RWDD1: variants seen among roughly 807,000 people sequenced by gnomAD.
RWDD1 encodes RWD domain containing 1, also known as RWD domain-containing protein 1.
In RWDD1, 17 loss-of-function variants were observed where a neutral mutation model predicts 31.6. That is an observed-to-expected ratio of 0.54 (90% CI 0.37 to 0.81). RWDD1 has a LOEUF of 0.81. Among genes scored for constraint, RWDD1 ranks in the 30% least tolerant of loss-of-function variants. The pLI, the probability that RWDD1 is intolerant of heterozygous loss-of-function variation, is 0.00. For synonymous variants in RWDD1, 78 were observed against 94.2 expected (o/e 0.83, Z 0.99); for missense variants, 204 against 274.5 (o/e 0.74, Z 1.82).
chr6:116,574,135 C>T (rs747346584), intron 1 of RWDD1: 16 of 212,956 alleles, frequency 7.5e-5, no homozygotes, highest in Non-Finnish European at 1.3e-4. Context: ...ACCACATTCT[C>T]CTTCAGTAGT....
At chr6:116,575,538 A>G (rs1367498270) in intron 1 of RWDD1, among the ~76,000 whole-genome samples, 7 of 152,284 alleles carry the variant, frequency 4.6e-5, no homozygotes, top group African/African-American at 9.6e-5. Flanking sequence ...TGTGAATCCA[A>G]TTAAGTAACT....
intron 1 of RWDD1, among the ~76,000 whole-genome samples, chr6:116,575,023 A>G (rs1774813393): frequency 6.6e-6 from 1 of 151,840 alleles, no homozygotes; most frequent in South Asian, 2.1e-4. Flanking sequence ...TCCTGCCTCC[A>G]ACTCCCAAAG....
At chr6:116,587,039 A>AT (rs1035921115) in intron 3 of RWDD1, among the ~76,000 whole-genome samples, 3 of 152,202 alleles carry the variant, frequency 2.0e-5, no homozygotes, top group African/African-American at 4.8e-5. Context: ...GTGAATGATT[A>AT]TTTTTTTGCT....
At chr6:116,583,179 C>A (rs1385991268) in intron 2 of RWDD1, among the ~76,000 whole-genome samples, 4 of 151,944 alleles carry the variant, frequency 2.6e-5, no homozygotes, top group Admixed American at 1.3e-4. Flanking sequence ...GGGTCTCACT[C>A]TTGCCCAGGC....
chr6:116,597,403 T>C lies in RWDD1; in HGVS notation c.*4302T>C, dbSNP rs886870003. 1.3e-5 allele frequency: 2 copies of C among 152,222 alleles called. No homozygotes were observed. The highest frequency in any genetic ancestry group is 4.8e-5 in the African/African-American group (2 of 41,456). The allele number at this position is 152,222 out of a possible 1,614,324, so 9.4% of individuals were successfully genotyped here. A position where few individuals can be genotyped will look rare whatever the true frequency, so the allele number is the denominator to read the frequency against. Reference sequence around the variant, plus strand: ...AAATACTTCCTAGACCTTCCTCTTATAGCTATTGCCTATCTCTGCCTTTGC... The same window carrying C: ...AAATACTTCCTAGACCTTCCTCTTACAGCTATTGCCTATCTCTGCCTTTGC... On this transcript the variant is annotated 3_prime_UTR_variant, in exon 7 of 7. Transcript: ENST00000466444.
rs1775133744 is a variant in RWDD1 at position 116,590,963 on chromosome 6, T to C, written c.610+13T>C. Reference sequence around the variant, plus strand: ...TTCTTGGAGGATGGTAAGATAATAGTAGAATTCCACATGTGGGACAGGCAC... The same window carrying C: ...TTCTTGGAGGATGGTAAGATAATAGCAGAATTCCACATGTGGGACAGGCAC... On this transcript the variant is annotated intron_variant, in intron 6 of 6. Transcript: ENST00000466444. 1 of 1,568,988 alleles carries C rather than the reference T, an allele frequency of 6.4e-7. No individual in the cohort carries two copies. The highest frequency in any genetic ancestry group is 1.4e-5 in the African/African-American group (1 of 70,952).
At chr6:116,576,317 T>A (rs1774839340) in intron 1 of RWDD1, among the ~76,000 whole-genome samples, 1 of 152,268 alleles carries the variant, frequency 6.6e-6, no homozygotes, top group Non-Finnish European at 1.5e-5. Context: ...TCATAATTTC[T>A]TGTCTCTTTC....
At chr6:116,577,457 A>G (rs563079663) in intron 1 of RWDD1, among the ~76,000 whole-genome samples, 23 of 139,140 alleles carry the variant, frequency 1.7e-4, no homozygotes, top group African/African-American at 5.9e-4. Flanking sequence ...GATGATCCCA[A>G]ATTGAATTAA....
chr6:116,579,220 T>G (rs766116748), intron 1 of RWDD1, among the ~76,000 whole-genome samples: 1 of 152,206 alleles, frequency 6.6e-6, no homozygotes, highest in Non-Finnish European at 1.5e-5. Context: ...CTTTAGAAAG[T>G]TCCCAGGTAG....
chr6:116,591,961 A>G (rs1320692463), intron 6 of RWDD1, among the ~76,000 whole-genome samples: 1 of 152,176 alleles, frequency 6.6e-6, no homozygotes, highest in Non-Finnish European at 1.5e-5. Context: ...TCTGATTTCA[A>G]TGTTTTGTCA....
chr6:116,581,382 C>A lies in RWDD1; in HGVS notation c.139+1022C>A, dbSNP rs559661030. Reference sequence around the variant, plus strand: ...TGATAAATAATCCAAATAAAATTTTCTTTAAGATTACGCTGAAATGAAAAA... The same window carrying A: ...TGATAAATAATCCAAATAAAATTTTATTTAAGATTACGCTGAAATGAAAAA... On this transcript the variant is annotated intron_variant, in intron 2 of 6. Transcript: ENST00000466444. 1.4e-3 allele frequency among the ~76,000 whole-genome samples: 220 copies of A among 152,080 alleles called. 3 individuals carry two copies. The South Asian group carries it at 0.033, about 23-fold the overall frequency.
intron 2 of RWDD1, among the ~76,000 whole-genome samples, chr6:116,581,632 CT>C (rs1353785208): frequency 6.6e-6 from 1 of 151,778 alleles, no homozygotes; most frequent in Admixed American, 6.6e-5. Flanking sequence ...TATACAATTT[CT>C]AAAGGTAGTA....
At chr6:116,578,250 T>C (rs931059912) in intron 1 of RWDD1, among the ~76,000 whole-genome samples, 1 of 152,250 alleles carries the variant, frequency 6.6e-6, no homozygotes, top group African/African-American at 2.4e-5. Context: ...TGAATTCTTA[T>C]GAACTTTTCT....
intron 3 of RWDD1, among the ~76,000 whole-genome samples, chr6:116,586,908 C>T (rs933190187): frequency 6.6e-6 from 1 of 152,100 alleles, no homozygotes; most frequent in African/African-American, 2.4e-5. Context: ...TTGCTAATAC[C>T]AGATATTTAC....
rs754637463 is a variant in RWDD1 at position 116,590,379 on chromosome 6, A to G, written c.522A>G (p.Glu174=). The G allele has an allele frequency of 1.3e-6, 2 of 1,596,372 alleles. No individual in the cohort carries two copies. Among genetic ancestry groups the G allele is most frequent in the South Asian group, 1.2e-5 (1 of 86,706 alleles). The stretch of plus-strand genomic sequence containing the variant: ...AAAAGAAAAGGATGAAAGAAGAAGA[A>G]CAAGCAGGAAAAAATAAATTAAGTG... ...EIKKKRMKEE[E]QAGKNKLSGK... is the part of the protein sequence containing the mutation. Residue 174 remains glutamate, a synonymous_variant, in exon 5 of 7, where the codon GAA becomes GAG. Coordinates refer to ENST00000466444, the MANE Select transcript of RWDD1 (RefSeq NM_015952.4).
intron 4 of RWDD1, among the ~76,000 whole-genome samples, chr6:116,589,543 T>G (rs1775102136): frequency 6.6e-6 from 1 of 152,142 alleles, no homozygotes; most frequent in South Asian, 2.1e-4. Context: ...AAACCTCATA[T>G]TTTGAAATGA....
Position 116,573,432 on chromosome 6 carries a change from G to C in RWDD1, c.73+1777G>C, listed in dbSNP as rs567267906. ...TTCTGCATTATCAGATGAGCCATCT[G>C]TCTCTAACTCCTGTCAACATTTCTA... is the stretch of plus-strand genomic sequence containing the variant. On this transcript the variant is annotated intron_variant, in intron 1 of 6. Coordinates refer to ENST00000466444, the MANE Select transcript of RWDD1 (RefSeq NM_015952.4). Among the ~76,000 whole-genome samples the C allele has an allele frequency of 1.8e-4, 27 of 152,274 alleles. No individual in the cohort carries two copies. The South Asian group carries it at 2.7e-3, about 15-fold the overall frequency.
intron 1 of RWDD1, among the ~76,000 whole-genome samples, chr6:116,572,648 G>C (rs1050496319): frequency 6.6e-6 from 1 of 152,230 alleles, no homozygotes; most frequent in African/African-American, 2.4e-5. Flanking sequence ...CAATATGAGT[G>C]AGTAGAACCT....
chr6:116,579,540 G>A (rs935427723), intron 1 of RWDD1, among the ~76,000 whole-genome samples: 2 of 152,192 alleles, frequency 1.3e-5, no homozygotes, highest in Non-Finnish European at 2.9e-5. Context: ...TACTGATCTA[G>A]GAGCTCTCAT....
Sources: gnomAD v4.1 joint callset for allele counts (sites outside exome capture counted in the v4.1 genomes callset) on GRCh38, gnomAD v4.1.1 for gene constraint, MANE v1.5 for transcripts, NCBI Gene and HGNC (gene_info 2026-07-23, HGNC 2026-07-21) for gene names.